The following CCDC47 variants were observed in gnomAD, a reference collection of about 807,000 sequenced individuals.
CCDC47 encodes the protein PAT complex subunit CCDC47.
CCDC47 carries 41 observed loss-of-function variants against 60.5 expected under a neutral mutation model. The ratio of observed to expected loss-of-function variants is 0.68; its 90% CI spans 0.53 to 0.88. The LOEUF is 0.88. CCDC47 is among the 40% of genes least tolerant of loss of function. The probability of loss-of-function intolerance (pLI) is 0.00; values close to 1 mark genes in which losing one functional copy is unlikely to be tolerated. For missense variants in CCDC47, 513 were observed against 580.9 expected, an observed-to-expected ratio of 0.88 and a Z score of 1.20; for synonymous variants, 195 against 190.7, an observed-to-expected ratio of 1.02 and a Z score of -0.18.
intron 8 of CCDC47, 35 bp downstream of exon 8, chr17:63,756,205 A>C (rs1250659156): frequency 7.0e-7 from 1 of 1,431,608 alleles, no homozygotes; most frequent in Non-Finnish European, 9.9e-7. Flanking sequence ...GTAAATGCCA[A>C]GGCCTGGCAA....
At chr17:63,761,493 A>C in intron 4 of CCDC47, 142 bp from the exon 5 acceptor site, 2 of 698,218 alleles carry the variant, frequency 2.9e-6, no homozygotes, top group Non-Finnish European at 4.8e-6. Flanking sequence ...CAGCCTGGCC[A>C]GCATGGTGAA....
intron 1 of CCDC47, among the ~76,000 whole-genome samples, chr17:63,771,033 G>GA (rs1568253157): frequency 8.3e-6 from 1 of 120,594 alleles, no homozygotes; most frequent in African/African-American, 3.9e-5. Context: ...AGGAAGGAAG[G>GA]AAGGAAGGAA....
At chr17:63,748,431 A>C in intron 12 of CCDC47, among the ~76,000 whole-genome samples, 1 of 150,784 alleles carries the variant, frequency 6.6e-6, no homozygotes, top group East Asian at 2.0e-4. Flanking sequence ...GTTTCTTTTC[A>C]ATTTTTTTTT....
At chr17:63,754,605 G>A in intron 8 of CCDC47, 87 bp from the exon 9 acceptor site, 1 of 814,706 alleles carries the variant, frequency 1.2e-6, no homozygotes. Flanking sequence ...TTGAGATGGT[G>A]CAACGGCTCA....
At chr17:63,769,961 CTTTTTTTTT>C (rs397857898) in intron 1 of CCDC47, among the ~76,000 whole-genome samples, 13 of 128,444 alleles carry the variant, frequency 1.0e-4, no homozygotes, top group Non-Finnish European at 1.9e-4. Context: ...ATTTTTCTTT[CTTTTTTTTT>C]TTTTTTTTGA....
chr17:63,747,310 T>A, intron 12 of CCDC47: 1 of 983,602 alleles, frequency 1.0e-6, no homozygotes, highest in Non-Finnish European at 1.2e-6. Flanking sequence ...ATGATGGCAT[T>A]ATATCATAAA....
rs1215845578 is a variant in CCDC47 at position 63,756,256 on chromosome 17, C to G, written c.932G>C (p.Gly311Ala). ...CGCATTTACCTTTGTATCCATCATT[C>G]CGTCTGTGACTTCTCCCATCTCTGA... is the stretch of plus-strand genomic sequence containing the variant. ...ILSEMGEVTD[G>A]MMDTKMVHFL... The change falls in exon 8 of 13, where the codon GGA becomes GCA. Residue 311 changes from glycine (G) to alanine (A), a missense_variant. Physicochemically the swap from Gly to Ala is moderately conservative, Grantham distance 60. Transcript: ENST00000225726. 2 of 1,613,312 alleles carry G rather than the reference C, an allele frequency of 1.2e-6. No homozygotes were observed. The highest frequency in any genetic ancestry group is 1.1e-5 in the South Asian group (1 of 91,068).
In CCDC47 at chr17:63,764,840, T is replaced by C; in HGVS notation, c.272A>G (p.Asp91Gly). ...DFEDADTQEGDTESEPYDDEE... is the reference protein window; with the variant it reads ...DFEDADTQEGGTESEPYDDEE... ...ATCATCATATGGTTCACTCTCAGTA[T>C]CTCCCTCCTACAAAAATGAGGCATC... Residue 91 changes from aspartate (D) to glycine (G), a missense_variant, in exon 3 of 13, where the codon GAT becomes GGT. Coordinates refer to ENST00000225726, the MANE Select transcript of CCDC47 (RefSeq NM_020198.3). 6.2e-7 allele frequency: 1 copy of C among 1,610,924 alleles called. No individual in the cohort carries two copies. The highest frequency in any genetic ancestry group is 1.3e-5 in the African/African-American group (1 of 74,912).
chr17:63,751,772 C>T, intron 12 of CCDC47, 168 bp downstream of exon 12: 1 of 725,372 alleles, frequency 1.4e-6, no homozygotes. Flanking sequence ...ACGGCTTGAA[C>T]AGGAAGGATT....
Position 63,759,517 on chromosome 17 carries a change from ATATATATATTT to A in CCDC47, c.735+1386_735+1396del, listed in dbSNP as rs1568249093. On this transcript the variant is annotated intron_variant, in intron 6 of 12. Transcript: ENST00000225726. ...AAAAAAAAAAAAAAAAAATATATAT[ATATATATATTT>A]ATATATATATATATATATATATATA... Among the ~76,000 whole-genome samples the A allele has an allele frequency of 8.1e-3, 153 of 18,894 alleles. 49 individuals are homozygous for A. The highest frequency in any genetic ancestry group is 0.073 in the African/African-American group (125 of 1,708). 12.4% of individuals were successfully genotyped at this position (18,894 alleles called of 152,430 possible).
At position 63,764,173 on chromosome 17, in the gene CCDC47, C is replaced by G; in HGVS notation, c.390G>C (p.Gln130His). The G allele has an allele frequency of 6.2e-7, 1 of 1,607,944 alleles. No individual in the cohort carries two copies. Among genetic ancestry groups the G allele is most frequent in the Non-Finnish European group, 8.5e-7 (1 of 1,178,128 alleles). The change falls in exon 4 of 13, where the codon CAG becomes CAC. Residue 130 changes from glutamine to histidine, a missense_variant. Gln to His is a conservative substitution (Grantham distance 24). Coordinates refer to ENST00000225726, the MANE Select transcript of CCDC47 (RefSeq NM_020198.3). Reference protein sequence around the residue: ...ITIVDVPAHLQNSWESYYLEI... With the variant: ...ITIVDVPAHLHNSWESYYLEI... ...CTAGATAATAACTCTCCCAGCTGTT[C>G]TGGAGGTGTGCAGGAACCTAAAAAA... is the stretch of plus-strand genomic sequence containing the variant.
Position 63,750,815 on chromosome 17 carries a change from C to T in CCDC47, c.1371+1125G>A, listed in dbSNP as rs544864183. Among the ~76,000 whole-genome samples the T allele has an allele frequency of 4.6e-5, 7 of 152,020 alleles. No individual in the cohort carries two copies. The South Asian group carries it at 1.5e-3, about 32-fold the overall frequency. On this transcript the variant is annotated intron_variant, in intron 12 of 12. Transcript: ENST00000225726. ...TGTTGGTCAGGCTGGTCTCGAACTC[C>T]TGACCTTGTGATCCTCCCGCCTCAG... is the stretch of plus-strand genomic sequence containing the variant.
intron 4 of CCDC47, chr17:63,762,168 C>G (rs565540717): frequency 1.0e-5 from 10 of 984,798 alleles, no homozygotes; most frequent in Non-Finnish European, 1.2e-5. Context: ...AATTCCAATA[C>G]TTTCTCTCTT....
chr17:63,754,655 T>G, intron 8 of CCDC47, 137 bp from the exon 9 acceptor site: 1 of 563,202 alleles, frequency 1.8e-6, no homozygotes, highest in Admixed American at 3.3e-5. Flanking sequence ...GGTGGATTAC[T>G]TGAGGCAAGG....
At chr17:63,773,257 C>T (rs1399195282) in intron 1 of CCDC47, among the ~76,000 whole-genome samples, 155 bp downstream of exon 1, 1 of 152,226 alleles carries the variant, frequency 6.6e-6, no homozygotes, top group African/African-American at 2.4e-5. Flanking sequence ...TCTAACTCTG[C>T]CCTTTTGGCT....
At chr17:63,751,318 A>G (rs972649431) in intron 12 of CCDC47, among the ~76,000 whole-genome samples, 11 of 133,332 alleles carry the variant, frequency 8.3e-5, no homozygotes, top group African/African-American at 3.0e-4. Flanking sequence ...CTGAGCCAAT[A>G]TTGCGCCATT....
Position 63,752,310 on chromosome 17 carries a change from T to C in CCDC47, c.1203+10A>G. Reference sequence around the variant, plus strand: ...GTGCCAATTTATATAATACAGGCATTGGGTCTTACTTCTCTGTTGAGTCGG... The same window carrying C: ...GTGCCAATTTATATAATACAGGCATCGGGTCTTACTTCTCTGTTGAGTCGG... On this transcript the variant is annotated intron_variant, in intron 11 of 12. Coordinates refer to ENST00000225726, the MANE Select transcript of CCDC47 (RefSeq NM_020198.3). 6.3e-7 allele frequency: 1 copy of C among 1,582,324 alleles called. No homozygotes were observed. Among genetic ancestry groups the C allele is most frequent in the Non-Finnish European group, 8.7e-7 (1 of 1,152,392 alleles).
chr17:63,763,386 G>A (rs559773791), intron 4 of CCDC47, among the ~76,000 whole-genome samples: 1 of 152,254 alleles, frequency 6.6e-6, no homozygotes, highest in South Asian at 2.1e-4. Flanking sequence ...TTAGCTGGGT[G>A]TGGTAGCATG....
At chr17:63,757,102 T>A (rs543151812) in intron 6 of CCDC47, among the ~76,000 whole-genome samples, 89 of 150,916 alleles carry the variant, frequency 5.9e-4, no homozygotes, top group African/African-American at 1.9e-3. Context: ...GGCTCACACC[T>A]GTAATCCTAG....
Sources: allele counts gnomAD v4.1 joint callset (sites outside exome capture counted in the v4.1 genomes callset), GRCh38; gene constraint gnomAD v4.1.1; transcripts MANE v1.5; gene names NCBI Gene and HGNC (gene_info 2026-07-23, HGNC 2026-07-21).